Variants in CENPC observed in about 807,000 individuals in gnomAD.
CENPC encodes CENP-C 1.
A neutral mutation model predicts 112.1 loss-of-function variants in CENPC; 63 were observed. That is an observed-to-expected ratio of 0.56 (90% confidence interval 0.46 to 0.69). The LOEUF is 0.69. CENPC is among the 30% of genes least tolerant of loss of function. CENPC has a pLI of 0.00. For missense variants in CENPC, 1,000 were observed against 1,103.8 expected (o/e 0.91, Z 1.33); for synonymous variants, 333 against 367.6 (o/e 0.91, Z 1.08).
intron 5 of CENPC, among the ~76,000 whole-genome samples, chr4:67,520,341 G>A (rs929520121): frequency 2.6e-5 from 4 of 152,152 alleles, no homozygotes; most frequent in Non-Finnish European, 5.9e-5. Flanking sequence ...ACATGAAGCT[G>A]TAGAGTAGTG....
At chr4:67,508,640 AC>A (rs1266576931) in intron 10 of CENPC, among the ~76,000 whole-genome samples, 173 bp downstream of exon 10, 2 of 151,998 alleles carry the variant, frequency 1.3e-5, no homozygotes, top group East Asian at 1.9e-4. Context: ...AGTGCAGAGT[AC>A]TACTTTGCCT....
At chr4:67,544,428 C>T (rs1277412828) in intron 1 of CENPC, among the ~76,000 whole-genome samples, 1 of 152,150 alleles carries the variant, frequency 6.6e-6, no homozygotes, top group Non-Finnish European at 1.5e-5. Context: ...GTGAGAATGG[C>T]TTTATTGCTT....
At chr4:67,523,317 A>C (rs995363046) in intron 5 of CENPC, among the ~76,000 whole-genome samples, 2 of 152,198 alleles carry the variant, frequency 1.3e-5, no homozygotes, top group Non-Finnish European at 2.9e-5. Flanking sequence ...TCTCAAAAAA[A>C]CAAAAAATGA....
At chr4:67,501,392 C>T (rs1725586408) in intron 12 of CENPC, among the ~76,000 whole-genome samples, 1 of 152,152 alleles carries the variant, frequency 6.6e-6, no homozygotes, top group Non-Finnish European at 1.5e-5. Context: ...AATTACATCC[C>T]CTAACTCCTA....
At chr4:67,515,499 T>C (rs929702412) in intron 7 of CENPC, among the ~76,000 whole-genome samples, 2 of 150,038 alleles carry the variant, frequency 1.3e-5, no homozygotes, top group East Asian at 1.9e-4. Context: ...GAGAGAGAGA[T>C]TGGGGACAAT....
chr4:67,475,743 C>T (rs1253441067), intron 17 of CENPC, among the ~76,000 whole-genome samples: 5 of 152,162 alleles, frequency 3.3e-5, no homozygotes, highest in Admixed American at 6.5e-5. Context: ...GGACTACAGG[C>T]GCCCGCCATC....
rs1044907571 is a variant in CENPC, at chr4:67,468,915, C to T, written c.*3690G>A. 4 of 152,132 alleles carry T rather than the reference C, an allele frequency of 2.6e-5. No homozygotes were observed. Among genetic ancestry groups the T allele is most frequent in the Non-Finnish European group, 5.9e-5 (4 of 68,006 alleles). 9.4% of individuals were successfully genotyped at this position (152,132 alleles called of 1,614,324 possible). ...TGAGTGAGAAAAACCAAAGGTCATA[C>T]ACTATATTATTCCATTGCTACAACA... On this transcript the variant is annotated 3_prime_UTR_variant, in exon 19 of 19. Transcript: ENST00000273853.
At chr4:67,513,466 T>C (rs565021133) in intron 8 of CENPC, among the ~76,000 whole-genome samples, 9 of 152,352 alleles carry the variant, frequency 5.9e-5, no homozygotes, top group South Asian at 4.1e-4. Flanking sequence ...TTTACAATTA[T>C]AGAGCGCATC....
At position 67,470,145 on chromosome 4, in the gene CENPC, C is replaced by T. The variant is rs976522842; in HGVS notation, c.*2460G>A. ...AACAGTAGGCTGCAAATGTGCAGAG[C>T]AAAATTCTGAGACATGACAGAAGCC... is the stretch of plus-strand genomic sequence containing the variant. On this transcript the variant is annotated 3_prime_UTR_variant, in exon 19 of 19. Coordinates refer to ENST00000273853, the MANE Select transcript of CENPC (RefSeq NM_001812.4). 6.6e-6 allele frequency: 1 copy of T among 152,122 alleles called. No individual in the cohort carries two copies. Among genetic ancestry groups the T allele is most frequent in the Admixed American group, 6.5e-5 (1 of 15,274 alleles). The allele number at this position is 152,122 out of a possible 1,614,324, so 9.4% of individuals were successfully genotyped here.
At position 67,545,223 on chromosome 4, in the gene CENPC, T is replaced by A. The variant is rs1021050192; in HGVS notation, c.18+115A>T. The A allele has an allele frequency of 2.8e-6, 3 of 1,065,080 alleles. No homozygotes were observed. In the East Asian group the frequency reaches 9.5e-5, roughly 34 times the overall value. The allele number at this position is 1,065,080 out of a possible 1,614,324, so 66.0% of individuals were successfully genotyped here. On this transcript the variant is annotated intron_variant, in intron 1 of 18. Transcript: ENST00000273853. ...TCAAAAATTCCTGCGGCTTTCCCAC[T>A]GAAATCCCTCAGAGATCACAGCCTC... is the stretch of plus-strand genomic sequence containing the variant.
intron 9 of CENPC, 67 bp downstream of exon 9, chr4:67,512,335 C>A: frequency 8.7e-7 from 1 of 1,154,342 alleles, no homozygotes; most frequent in South Asian, 1.5e-5. Flanking sequence ...AATATAAAAT[C>A]AAACATAATG....
At chr4:67,523,528 AGAG>A (rs1237585147) in intron 5 of CENPC, among the ~76,000 whole-genome samples, 3 of 152,202 alleles carry the variant, frequency 2.0e-5, no homozygotes, top group Non-Finnish European at 4.4e-5. Flanking sequence ...CAGATAAGCA[AGAG>A]GAGGAGGCTA....
Position 67,543,591 on chromosome 4 carries a change from T to C in CENPC, c.65+558A>G, listed in dbSNP as rs544295268. 5.9e-5 allele frequency among the ~76,000 whole-genome samples: 9 copies of C among 152,326 alleles called. No homozygotes were observed. In the East Asian group the frequency reaches 1.7e-3, roughly 29 times the overall value. ...TTTCCCAACAGAAATCTAAGCTTCT[T>C]GTAAACAAAAGAACATACTTCTGTG... On this transcript the variant is annotated intron_variant, in intron 2 of 18. Coordinates refer to ENST00000273853, the MANE Select transcript of CENPC (RefSeq NM_001812.4).
chr4:67,544,929 C>T (rs1726985634), intron 1 of CENPC, among the ~76,000 whole-genome samples: 1 of 152,120 alleles, frequency 6.6e-6, no homozygotes, highest in Non-Finnish European at 1.5e-5. Context: ...CGTTTCAATA[C>T]TTCTACCATG....
chr4:67,500,691 T>C (rs932502042), intron 12 of CENPC, among the ~76,000 whole-genome samples: 3 of 152,154 alleles, frequency 2.0e-5, no homozygotes, highest in Non-Finnish European at 4.4e-5. Flanking sequence ...TGGCATAAAA[T>C]AGTAGTAGTC....
chr4:67,532,344 G>C (rs355482), intron 4 of CENPC, among the ~76,000 whole-genome samples: 96,355 of 152,030 alleles, frequency 0.63, 30,805 homozygotes, highest in East Asian at 0.81. Context: ...TGTGGCAATT[G>C]CTCAGGGATC....
intron 15 of CENPC, 142 bp from the exon 16 acceptor site, chr4:67,492,417 T>C (rs1725309892): frequency 3.6e-6 from 2 of 549,594 alleles, no homozygotes; most frequent in South Asian, 6.1e-5. Context: ...TAAATCACTC[T>C]GATAAACAAA....
intron 17 of CENPC, among the ~76,000 whole-genome samples, chr4:67,487,938 G>C (rs1169593637): frequency 6.6e-6 from 1 of 151,334 alleles, no homozygotes; most frequent in Non-Finnish European, 1.5e-5. Flanking sequence ...ATATTTGTAA[G>C]TGTGCTTCAT....
At chr4:67,476,156 T>C (rs919494841) in intron 17 of CENPC, among the ~76,000 whole-genome samples, 6 of 152,088 alleles carry the variant, frequency 3.9e-5, no homozygotes, top group Admixed American at 6.5e-5. Context: ...GGATAGAAAG[T>C]AGGACTAACT....
Sources: allele counts gnomAD v4.1 joint callset (sites outside exome capture counted in the v4.1 genomes callset), GRCh38; gene constraint gnomAD v4.1.1; transcripts MANE v1.5; gene names NCBI Gene and HGNC (gene_info 2026-07-23, HGNC 2026-07-21).